The following BICRAL variants were observed in gnomAD, a reference collection of about 807,000 sequenced individuals.
BICRAL encodes BICRA like chromatin remodeling complex associated protein.
BICRAL carries 8 observed loss-of-function variants against 91.8 expected under a neutral mutation model. The observed-to-expected ratio is 0.09, with a 90% CI of 0.05 to 0.16. The LOEUF (loss-of-function observed/expected upper bound fraction) is 0.16. BICRAL is among the 10% of genes least tolerant of loss of function. The probability of loss-of-function intolerance (pLI) is 1.00; values close to 1 mark genes in which losing one functional copy is unlikely to be tolerated. For synonymous variants in BICRAL, 445 were observed against 491.1 expected, an observed-to-expected ratio of 0.91 and a Z score of 1.24; for missense variants, 1,038 against 1,310.9, an observed-to-expected ratio of 0.79 and a Z score of 3.21.
At chr6:42,862,404 C>G in intron 11 of BICRAL, 106 bp from the exon 12 acceptor site, 1 of 754,996 alleles carries the variant, frequency 1.3e-6, no homozygotes, top group Admixed American at 1.9e-5. Context: ...TTTTCACATG[C>G]CCTGTAGTAT....
intron 6 of BICRAL, among the ~76,000 whole-genome samples, chr6:42,849,441 A>G (rs1582871195): frequency 7.4e-6 from 1 of 135,334 alleles, no homozygotes; most frequent in Admixed American, 7.5e-5. Context: ...TTTAGAACAG[A>G]TTTTTTTTTT....
At chr6:42,816,930 T>C (rs1582841258) in intron 2 of BICRAL, among the ~76,000 whole-genome samples, 2 of 149,520 alleles carry the variant, frequency 1.3e-5, no homozygotes, top group Admixed American at 6.7e-5. Flanking sequence ...AGGAGAATGG[T>C]GTGAACCTGG....
chr6:42,830,285 GC>G, intron 6 of BICRAL, 113 bp downstream of exon 6: 1 of 1,159,678 alleles, frequency 8.6e-7, no homozygotes, highest in Non-Finnish European at 1.2e-6. Flanking sequence ...AAAATTTTAG[GC>G]CAGGTGTAGT....
chr6:42,768,029 G>T (rs1299722686), intron 1 of BICRAL, among the ~76,000 whole-genome samples: 2 of 152,200 alleles, frequency 1.3e-5, no homozygotes, highest in African/African-American at 4.8e-5. Context: ...GTTTAGAGCA[G>T]GGAGTGAGGC....
chr6:42,856,023 C>A, intron 9 of BICRAL, 106 bp downstream of exon 9: 2 of 937,006 alleles, frequency 2.1e-6, no homozygotes, highest in Non-Finnish European at 3.5e-6. Flanking sequence ...AGTATATTAG[C>A]CTTTTTAAAA....
At chr6:42,758,192 T>TCCC (rs1429547832) in intron 1 of BICRAL, among the ~76,000 whole-genome samples, 1 of 152,134 alleles carries the variant, frequency 6.6e-6, no homozygotes, top group East Asian at 1.9e-4. Flanking sequence ...TGTTACAGTT[T>TCCC]CCCATCTGGT....
At chr6:42,769,697 A>G (rs1035189794) in intron 1 of BICRAL, among the ~76,000 whole-genome samples, 2 of 152,088 alleles carry the variant, frequency 1.3e-5, no homozygotes, top group Middle Eastern at 3.2e-3. Flanking sequence ...GACCTTCCAT[A>G]CTGCTACCAC....
At chr6:42,792,725 C>A (rs1392583710) in intron 1 of BICRAL, among the ~76,000 whole-genome samples, 1 of 151,852 alleles carries the variant, frequency 6.6e-6, no homozygotes, top group Non-Finnish European at 1.5e-5. Context: ...CCAGCCTGGC[C>A]AACATGAAGA....
chr6:42,838,317 CCTTGTCTGACTGGA>C (rs944824157), intron 6 of BICRAL, among the ~76,000 whole-genome samples: 2 of 152,182 alleles, frequency 1.3e-5, no homozygotes, highest in Admixed American at 6.6e-5. Context: ...TCTAGAGTGG[CCTTGTCTGACTGGA>C]CTTGTCTGAC....
chr6:42,847,467 G>A (rs778566175), intron 6 of BICRAL, among the ~76,000 whole-genome samples: 4 of 152,020 alleles, frequency 2.6e-5, no homozygotes, highest in Non-Finnish European at 4.4e-5. Context: ...TATCGATATT[G>A]ATGTGATACA....
intron 1 of BICRAL, among the ~76,000 whole-genome samples, chr6:42,802,435 TTGTTGTTG>T (rs1562469005): frequency 3.2e-5 from 3 of 92,976 alleles, no homozygotes; most frequent in Non-Finnish European, 5.3e-5. Flanking sequence ...TTTTTTGTTG[TTGTTGTTG>T]TTGTTGTTGT....
At chr6:42,818,206 G>A (rs995127464) in intron 2 of BICRAL, among the ~76,000 whole-genome samples, 1 of 152,144 alleles carries the variant, frequency 6.6e-6, no homozygotes, top group African/African-American at 2.4e-5. Context: ...GACAGGACAT[G>A]TAGTATCTCA....
At chr6:42,826,231 C>CTTTT (rs763034286) in intron 5 of BICRAL, among the ~76,000 whole-genome samples, 5 of 116,870 alleles carry the variant, frequency 4.3e-5, no homozygotes, top group East Asian at 2.4e-4. Context: ...AACTCATGTT[C>CTTTT]TTTTTTTTTT....
chr6:42,847,265 A>G (rs7451380), intron 6 of BICRAL, among the ~76,000 whole-genome samples: 53,599 of 152,084 alleles, frequency 0.35, 9,734 homozygotes, highest in South Asian at 0.48. Flanking sequence ...AAAAACAACA[A>G]TGAATAAACC....
At position 42,866,798 on chromosome 6, in the gene BICRAL, G is replaced by A. The variant is rs905883864; in HGVS notation, c.*1352G>A. Reference sequence around the variant, plus strand: ...GGAGTATTCTCCGTTTTCCTTTCTCGTATACCTGCCCCAGGTTATCCCATT... The same window carrying A: ...GGAGTATTCTCCGTTTTCCTTTCTCATATACCTGCCCCAGGTTATCCCATT... On this transcript the variant is annotated 3_prime_UTR_variant, in exon 13 of 13. Transcript: ENST00000314073. 1.5e-5 allele frequency: 7 copies of A among 455,968 alleles called. No individual in the cohort carries two copies. Among genetic ancestry groups the A allele is most frequent in the African/African-American group, 8.0e-5 (4 of 49,992 alleles). 28.2% of individuals were successfully genotyped at this position (455,968 alleles called of 1,614,324 possible).
intron 10 of BICRAL, among the ~76,000 whole-genome samples, chr6:42,858,691 C>A (rs939664031): frequency 1.3e-5 from 2 of 151,684 alleles, no homozygotes; most frequent in African/African-American, 2.4e-5. Context: ...GTGGCACATG[C>A]CTGTAATTCC....
intron 9 of BICRAL, 121 bp downstream of exon 9, chr6:42,856,038 A>G: frequency 1.2e-6 from 1 of 829,092 alleles, no homozygotes; most frequent in Non-Finnish European, 2.0e-6. Flanking sequence ...TTAAAAATGT[A>G]CTTTGAGGCA....
At chr6:42,823,767 C>CA (rs1399064147) in intron 5 of BICRAL, among the ~76,000 whole-genome samples, 2 of 150,200 alleles carry the variant, frequency 1.3e-5, no homozygotes, top group Non-Finnish European at 3.0e-5. Flanking sequence ...ACTAAAAATA[C>CA]AAAAAAAAAT....
intron 1 of BICRAL, among the ~76,000 whole-genome samples, chr6:42,751,654 CTTTTTTTTTT>C (rs1190737893): frequency 8.6e-6 from 1 of 116,568 alleles, no homozygotes; most frequent in Non-Finnish European, 1.8e-5. Flanking sequence ...TCTTTCTTTT[CTTTTTTTTTT>C]TTTTTTTTTT....
Sources: gnomAD v4.1 joint callset for allele counts (sites outside exome capture counted in the v4.1 genomes callset) on GRCh38, gnomAD v4.1.1 for gene constraint, MANE v1.5 for transcripts, NCBI Gene and HGNC (gene_info 2026-07-23, HGNC 2026-07-21) for gene names.